The following CCDC148 variants were observed in gnomAD, a reference collection of about 807,000 sequenced individuals.
CCDC148 encodes the protein coiled-coil domain-containing protein 148.
CCDC148 carries 89 observed loss-of-function variants against 85.7 expected under a neutral mutation model. The observed-to-expected ratio is 1.04, with a 90% CI of 0.87 to 1.24. The LOEUF (loss-of-function observed/expected upper bound fraction) is 1.24. CCDC148 is among the 50% of genes most tolerant of loss of function. The pLI, the probability that CCDC148 is intolerant of heterozygous loss-of-function variation, is 0.00. For synonymous variants in CCDC148, 230 were observed against 213.9 expected (o/e 1.08, Z -0.66); for missense variants, 692 against 671.7 (o/e 1.03, Z -0.33).
intron 2 of CCDC148, among the ~76,000 whole-genome samples, chr2:158,356,059 C>T (rs1483021684): frequency 1.5e-5 from 2 of 136,150 alleles, no homozygotes; most frequent in Non-Finnish European, 3.0e-5. Flanking sequence ...CCCTTCCTTA[C>T]AGCTTATACA....
intron 1 of CCDC148, among the ~76,000 whole-genome samples, chr2:158,431,170 A>G (rs1225507648): frequency 1.3e-5 from 2 of 152,022 alleles, no homozygotes; most frequent in East Asian, 3.8e-4. Context: ...AATTTAAAAA[A>G]TAAAAGTCAA....
chr2:158,370,677 G>GA (rs144576500), intron 1 of CCDC148, among the ~76,000 whole-genome samples: 7,870 of 151,820 alleles, frequency 0.052, 375 homozygotes, highest in African/African-American at 0.12. Context: ...TTATTGTCCT[G>GA]AAAAAACTGA....
chr2:158,362,571 G>A (rs13007083), intron 1 of CCDC148, among the ~76,000 whole-genome samples: 2,322 of 152,182 alleles, frequency 0.015, 28 homozygotes, highest in Middle Eastern at 0.078. Context: ...AATGACTACT[G>A]GGTAAATAAT....
intron 3 of CCDC148, among the ~76,000 whole-genome samples, chr2:158,341,309 A>G (rs1256346655): frequency 1.4e-5 from 2 of 138,790 alleles, no homozygotes; most frequent in African/African-American, 5.2e-5. Context: ...GTACATACAT[A>G]TTTTTTTTTT....
intron 10 of CCDC148, chr2:158,236,247 T>A (rs1410234841): frequency 6.6e-6 from 1 of 152,198 alleles, no homozygotes; most frequent in Non-Finnish European, 1.5e-5. Context: ...GTAAGCTATT[T>A]TCTGCTGTGA....
At chr2:158,444,785 GAAAAAAA>G (rs11433320) in intron 1 of CCDC148, among the ~76,000 whole-genome samples, 11 of 66,662 alleles carry the variant, frequency 1.7e-4, no homozygotes, top group African/African-American at 3.5e-4. Flanking sequence ...ACCCTGTCTT[GAAAAAAA>G]AAAAAAAAAA....
chr2:158,218,447 T>C (rs1365590493), intron 11 of CCDC148, among the ~76,000 whole-genome samples: 1 of 152,236 alleles, frequency 6.6e-6, no homozygotes, highest in African/African-American at 2.4e-5. Flanking sequence ...ATTAATCTGA[T>C]TTTCCTTTTC....
intron 1 of CCDC148, among the ~76,000 whole-genome samples, chr2:158,432,954 T>C (rs1277630371): frequency 1.3e-5 from 2 of 148,332 alleles, no homozygotes; most frequent in Non-Finnish European, 3.0e-5. Context: ...GGTAAAATTA[T>C]AGGTTGGGTG....
intron 12 of CCDC148, among the ~76,000 whole-genome samples, chr2:158,176,933 C>A (rs975001869): frequency 3.3e-5 from 5 of 152,116 alleles, no homozygotes; most frequent in African/African-American, 9.6e-5. Flanking sequence ...TTTCAGAAAA[C>A]AATTTATCTT....
intron 1 of CCDC148, among the ~76,000 whole-genome samples, chr2:158,423,448 C>T (rs1204246058): frequency 6.6e-6 from 1 of 152,180 alleles, no homozygotes; most frequent in East Asian, 1.9e-4. Context: ...ACAAACCTGA[C>T]AAAAACGAGC....
chr2:158,309,482 G>A lies in CCDC148; in HGVS notation c.1061C>T (p.Ala354Val), dbSNP rs561903719. ...CATHEMESML[A>V]KDKKKQQELC... ...TTCCTGTTGCTTTTTCTTGTCCTTA[G>A]CCAACATGCTCTCCATTTCATGTGT... The change falls in exon 9 of 14, where the codon GCT becomes GTT. Residue 354 changes from alanine to valine, a missense_variant. Coordinates refer to ENST00000283233, the MANE Select transcript of CCDC148 (RefSeq NM_138803.4). 7 of 1,613,954 alleles carry A rather than the reference G, an allele frequency of 4.3e-6. No homozygotes were observed. The Admixed American group carries it at 8.3e-5, about 19-fold the overall frequency.
At chr2:158,258,953 C>T (rs574244023) in intron 9 of CCDC148, among the ~76,000 whole-genome samples, 1 of 151,716 alleles carries the variant, frequency 6.6e-6, no homozygotes, top group Admixed American at 6.6e-5. Context: ...GTATTTGGCC[C>T]AGCCTGTGTC....
intron 9 of CCDC148, among the ~76,000 whole-genome samples, chr2:158,294,497 C>T (rs1025677223): frequency 3.9e-5 from 6 of 152,060 alleles, no homozygotes; most frequent in African/African-American, 1.4e-4. Context: ...GTATAAGGAA[C>T]TGCCAAAACA....
At chr2:158,368,709 G>C (rs949044552) in intron 1 of CCDC148, among the ~76,000 whole-genome samples, 9 of 152,042 alleles carry the variant, frequency 5.9e-5, no homozygotes, top group Admixed American at 1.3e-4. Flanking sequence ...ACAATAGCTA[G>C]AGGGTTGAAA....
At chr2:158,320,642 T>A (rs1025244730) in intron 7 of CCDC148, among the ~76,000 whole-genome samples, 1 of 152,212 alleles carries the variant, frequency 6.6e-6, no homozygotes, top group Non-Finnish European at 1.5e-5. Flanking sequence ...CTTTCTGTAT[T>A]ATCCAATAAC....
chr2:158,438,768 C>A (rs1201820433), intron 1 of CCDC148, among the ~76,000 whole-genome samples: 1 of 152,134 alleles, frequency 6.6e-6, no homozygotes, highest in Non-Finnish European at 1.5e-5. Context: ...TGAACTCCAA[C>A]AAATTTACAA....
intron 1 of CCDC148, among the ~76,000 whole-genome samples, chr2:158,397,481 C>A (rs1407811370): frequency 6.6e-6 from 1 of 152,104 alleles, no homozygotes; most frequent in East Asian, 1.9e-4. Context: ...ATTCAACATC[C>A]TTAAAGAAAA....
In CCDC148 at chr2:158,313,736, T is replaced by A. The variant is rs767395811; in HGVS notation, c.903+20A>T. The A allele has an allele frequency of 1.3e-6, 2 of 1,593,872 alleles. No individual in the cohort carries two copies. Among genetic ancestry groups the A allele is most frequent in the South Asian group, 2.3e-5 (2 of 87,864 alleles). ...TAAAACAATTTAACTTGCCAGTATG[T>A]AGGTAGGTCCAGTACTCACCAAATC... is the stretch of plus-strand genomic sequence containing the variant. On this transcript the variant is annotated intron_variant, in intron 8 of 13. Transcript: ENST00000283233.
intron 9 of CCDC148, among the ~76,000 whole-genome samples, chr2:158,308,820 A>AG (rs1691821467): frequency 2.6e-5 from 4 of 152,178 alleles, no homozygotes; most frequent in Admixed American, 2.6e-4. Context: ...CCACTAAAGC[A>AG]GCTCCTCTAT....
Sources: allele counts gnomAD v4.1 joint callset (sites outside exome capture counted in the v4.1 genomes callset), GRCh38; gene constraint gnomAD v4.1.1; transcripts MANE v1.5; gene names NCBI Gene and HGNC (gene_info 2026-07-23, HGNC 2026-07-21).